Variants in FHOD3 observed in about 807,000 individuals in gnomAD.
The protein encoded by FHOD3 is FH1/FH2 domain-containing protein 3.
FHOD3 carries 90 observed loss-of-function variants against 173.0 expected under a neutral mutation model. The observed-to-expected ratio is 0.52, with a 90% CI of 0.44 to 0.62. The LOEUF (loss-of-function observed/expected upper bound fraction) is 0.62, where lower values mean the gene tolerates loss of function less well. Among genes scored for constraint, FHOD3 ranks in the 20% least tolerant of loss-of-function variants. The probability of loss-of-function intolerance (pLI) is 0.00; values close to 1 mark genes in which losing one functional copy is unlikely to be tolerated. For missense variants in FHOD3, 1,945 were observed against 2,034.7 expected (o/e 0.96, Z 0.85); for synonymous variants, 828 against 823.0 (o/e 1.01, Z -0.10).
intron 15 of FHOD3, among the ~76,000 whole-genome samples, chr18:36,683,715 A>AT (rs1301098649): frequency 8.5e-5 from 13 of 152,318 alleles, no homozygotes; most frequent in Admixed American, 3.3e-4. Flanking sequence ...TTATTTCTTT[A>AT]TCTCCTACCC....
At chr18:36,604,648 G>A (rs1202286638) in intron 8 of FHOD3, among the ~76,000 whole-genome samples, 3 of 151,958 alleles carry the variant, frequency 2.0e-5, no homozygotes, top group Non-Finnish European at 4.4e-5. Context: ...ATAGCAAACT[G>A]TAGGAAGAAA....
chr18:36,621,557 C>T (rs756826540), intron 9 of FHOD3, among the ~76,000 whole-genome samples: 16 of 152,300 alleles, frequency 1.1e-4, no homozygotes, highest in Admixed American at 2.0e-4. Context: ...GTGTCTTCAA[C>T]AGCCTAGCCC....
chr18:36,511,499 C>T (rs1433592168), intron 4 of FHOD3, among the ~76,000 whole-genome samples: 1 of 152,078 alleles, frequency 6.6e-6, no homozygotes, highest in African/African-American at 2.4e-5. Context: ...GCCTGGGCCC[C>T]ACCCCAGAAA....
intron 28 of FHOD3, among the ~76,000 whole-genome samples, chr18:36,775,033 C>T (rs559139266): frequency 3.2e-4 from 48 of 152,268 alleles, no homozygotes; most frequent in Admixed American, 9.1e-4. Flanking sequence ...TGCCGTTTTA[C>T]GTCCACTCAG....
At chr18:36,588,066 G>GC (rs1229239827) in intron 6 of FHOD3, among the ~76,000 whole-genome samples, 1 of 152,346 alleles carries the variant, frequency 6.6e-6, no homozygotes, top group East Asian at 1.9e-4. Context: ...AAGGACACCT[G>GC]CAAAACAAGA....
chr18:36,410,397 A>G (rs59245305), intron 3 of FHOD3, among the ~76,000 whole-genome samples: 34,364 of 152,158 alleles, frequency 0.23, 4,417 homozygotes, highest in East Asian at 0.67. Context: ...TTGTTTGTCT[A>G]TTCACCAGCA....
rs373434581 is a variant in FHOD3, at chr18:36,773,621, A to G, written c.4786+4195A>G. Among the ~76,000 whole-genome samples the G allele has an allele frequency of 3.3e-5, 5 of 152,274 alleles. No individual in the cohort carries two copies. In the East Asian group the frequency reaches 5.8e-4, roughly 18 times the overall value. On this transcript the variant is annotated intron_variant, in intron 28 of 28. Transcript: ENST00000590592. ...GGTTGTGGGGTTAAGCGAGGCATCT[A>G]TGACAGGTTCCCGCCACCTTTCTTC...
chr18:36,534,322 A>G (rs1215028821), intron 5 of FHOD3, among the ~76,000 whole-genome samples: 1 of 152,140 alleles, frequency 6.6e-6, no homozygotes, highest in Non-Finnish European at 1.5e-5. Flanking sequence ...AGAAAAGAAG[A>G]CAGTGTCTCA....
rs116075841 is a variant in FHOD3 at position 36,713,197 on chromosome 18, A to G, written c.2533+3806A>G. ...AAGGAAAGGACAACAGAATGGGTGAAAGCAGGGGTAAATAGACTTTCTGCT... is the reference window on the plus strand; with the variant it reads ...AAGGAAAGGACAACAGAATGGGTGAGAGCAGGGGTAAATAGACTTTCTGCT... On this transcript the variant is annotated intron_variant, in intron 18 of 28. Coordinates refer to ENST00000590592, the MANE Select transcript of FHOD3 (RefSeq NM_001281740.3). 4.9e-3 allele frequency among the ~76,000 whole-genome samples: 740 copies of G among 152,356 alleles called. 6 individuals carry two copies. The highest frequency in any genetic ancestry group is 0.016 in the African/African-American group (683 of 41,580).
intron 7 of FHOD3, among the ~76,000 whole-genome samples, chr18:36,599,282 A>G (rs2030987801): frequency 1.3e-5 from 2 of 152,222 alleles, no homozygotes; most frequent in South Asian, 4.1e-4. Context: ...AGGTCCCACT[A>G]ATCTGGCTCA....
intron 3 of FHOD3, among the ~76,000 whole-genome samples, chr18:36,398,153 A>T (rs555413983): frequency 3.9e-5 from 6 of 152,246 alleles, no homozygotes; most frequent in African/African-American, 1.4e-4. Flanking sequence ...ATAAATATGC[A>T]GGAAGTTAAA....
At chr18:36,753,708 C>G (rs1170527304) in intron 24 of FHOD3, among the ~76,000 whole-genome samples, 1 of 152,202 alleles carries the variant, frequency 6.6e-6, no homozygotes, top group Non-Finnish European at 1.5e-5. Context: ...TCCACATCCT[C>G]ACCAACATTT....
At chr18:36,690,478 G>A (rs1419376262) in intron 16 of FHOD3, among the ~76,000 whole-genome samples, 1 of 152,020 alleles carries the variant, frequency 6.6e-6, no homozygotes, top group Non-Finnish European at 1.5e-5. Context: ...AAGTACTATT[G>A]GGCCCCATAG....
intron 6 of FHOD3, among the ~76,000 whole-genome samples, chr18:36,588,421 CTT>C (rs1177579856): frequency 2.0e-5 from 3 of 152,134 alleles, no homozygotes; most frequent in African/African-American, 7.2e-5. Flanking sequence ...ATCAAGTTAT[CTT>C]ACCACTTTCG....
intron 3 of FHOD3, among the ~76,000 whole-genome samples, chr18:36,500,659 G>C (rs565745585): frequency 2.6e-5 from 4 of 152,236 alleles, no homozygotes; most frequent in Non-Finnish European, 1.5e-5. Context: ...CCAAGGCTTA[G>C]AGATGTAAAG....
At position 36,328,277 on chromosome 18, in the gene FHOD3, A is replaced by G. The variant is rs570963546; in HGVS notation, c.166-27262A>G. On this transcript the variant is annotated intron_variant, in intron 1 of 28. Coordinates refer to ENST00000590592, the MANE Select transcript of FHOD3 (RefSeq NM_001281740.3). Reference sequence around the variant, plus strand: ...CTTTTTCATGTGGGGTATCCCAGGAAGGACTCTGAAGACAGGGCAATGGAG... The same window carrying G: ...CTTTTTCATGTGGGGTATCCCAGGAGGGACTCTGAAGACAGGGCAATGGAG... Among the ~76,000 whole-genome samples the G allele has an allele frequency of 2.0e-5, 3 of 152,272 alleles. No individual in the cohort carries two copies. In the East Asian group the frequency reaches 5.8e-4, roughly 29 times the overall value.
intron 10 of FHOD3, among the ~76,000 whole-genome samples, chr18:36,643,063 A>C (rs1352913365): frequency 6.6e-6 from 1 of 152,058 alleles, no homozygotes; most frequent in Non-Finnish European, 1.5e-5. Context: ...GTGGTCGTCC[A>C]TATTGTCACG....
chr18:36,699,693 T>G (rs2149560600), intron 17 of FHOD3, among the ~76,000 whole-genome samples: 1 of 152,272 alleles, frequency 6.6e-6, no homozygotes, highest in East Asian at 1.9e-4. Context: ...GGAACACATT[T>G]GTTCAAAATG....
At chr18:36,614,313 G>A (rs1193120873) in intron 9 of FHOD3, among the ~76,000 whole-genome samples, 4 of 152,166 alleles carry the variant, frequency 2.6e-5, no homozygotes, top group Non-Finnish European at 4.4e-5. Flanking sequence ...GTTCACCTAC[G>A]TTTGCAGAAT....
Sources: allele counts gnomAD v4.1 joint callset (sites outside exome capture counted in the v4.1 genomes callset), GRCh38; gene constraint gnomAD v4.1.1; transcripts MANE v1.5; gene names NCBI Gene and HGNC (gene_info 2026-07-23, HGNC 2026-07-21).